Variants in MLLT10 observed in about 807,000 individuals in gnomAD.
MLLT10 encodes the protein protein AF-10.
MLLT10 carries 30 observed loss-of-function variants against 129.1 expected under a neutral mutation model. The observed-to-expected ratio is 0.23, with a 90% CI of 0.17 to 0.32. The LOEUF (loss-of-function observed/expected upper bound fraction) is 0.32, where lower values mean the gene tolerates loss of function less well. MLLT10 is among the 10% of genes least tolerant of loss of function. The probability of loss-of-function intolerance (pLI) is 1.00; values close to 1 mark genes in which losing one functional copy is unlikely to be tolerated. For synonymous variants in MLLT10, 490 were observed against 446.4 expected (o/e 1.10, Z -1.23); for missense variants, 1,119 against 1,268.3 (o/e 0.88, Z 1.79).
At chr10:21,595,489 TAGAA>T (rs1303115408) in intron 5 of MLLT10, 49 bp downstream of exon 5, 2 of 1,426,118 alleles carry the variant, frequency 1.4e-6, no homozygotes, top group African/African-American at 1.4e-5. Flanking sequence ...TACTGGGAAG[TAGAA>T]AGGAAGTTTT....
chr10:21,732,991 C>T lies in MLLT10; in HGVS notation c.2311C>T (p.Leu771Phe), dbSNP rs1327884029. 3.1e-6 allele frequency: 5 copies of T among 1,614,026 alleles called. No homozygotes were observed. In the East Asian group the frequency reaches 1.1e-4, roughly 36 times the overall value. ...AAACTTGACTGCCAAAAAGGAACGG[C>T]TTCAGTTATTGAATGCACAGCTTTC... ...IKNLTAKKER[L>F]QLLNAQLSVP... Residue 771 changes from leucine (L) to phenylalanine (F), a missense_variant, in exon 18 of 23, where the codon CTT becomes TTT. Around this residue, in one of 5 missense-constraint regions of MLLT10, gnomAD observed 1,004 missense variants for 1,008.7 expected, o/e 1.00. Transcript: ENST00000307729.
chr10:21,616,372 A>C (rs1304357639), intron 7 of MLLT10, among the ~76,000 whole-genome samples: 1 of 152,096 alleles, frequency 6.6e-6, no homozygotes, highest in Admixed American at 6.5e-5. Flanking sequence ...AGATTGTATA[A>C]TCTTTACATT....
intron 11 of MLLT10, among the ~76,000 whole-genome samples, chr10:21,678,334 A>AC (rs1277864562): frequency 2.0e-5 from 3 of 151,970 alleles, no homozygotes; most frequent in Non-Finnish European, 4.4e-5. Context: ...CCATCTCTTG[A>AC]CCTCATGATC....
At chr10:21,571,602 C>T (rs2040211598) in intron 3 of MLLT10, among the ~76,000 whole-genome samples, 1 of 152,174 alleles carries the variant, frequency 6.6e-6, no homozygotes, top group African/African-American at 2.4e-5. Context: ...TTTATTATTT[C>T]GTGCAAGGAG....
chr10:21,636,361 T>A (rs536021722), intron 8 of MLLT10, among the ~76,000 whole-genome samples: 1 of 152,162 alleles, frequency 6.6e-6, no homozygotes, highest in African/African-American at 2.4e-5. Flanking sequence ...GGGCTCAAGC[T>A]ATCCTTCTCC....
intron 9 of MLLT10, among the ~76,000 whole-genome samples, chr10:21,655,831 T>G (rs2049521805): frequency 6.6e-6 from 1 of 152,148 alleles, no homozygotes; most frequent in African/African-American, 2.4e-5. Context: ...TCTAAGTTTT[T>G]GTTGGAACAA....
chr10:21,600,827 A>C (rs1231087446), intron 5 of MLLT10, among the ~76,000 whole-genome samples: 1 of 152,044 alleles, frequency 6.6e-6, no homozygotes, highest in African/African-American at 2.4e-5. Context: ...CTCTCTCTCC[A>C]GCCCCCCTCT....
At chr10:21,579,293 C>T (rs1295365881) in intron 3 of MLLT10, among the ~76,000 whole-genome samples, 1 of 151,970 alleles carries the variant, frequency 6.6e-6, no homozygotes, top group Non-Finnish European at 1.5e-5. Context: ...AAGATTTTTC[C>T]CTCTGTGTTT....
chr10:21,562,520 TA>T (rs986590123), intron 3 of MLLT10, among the ~76,000 whole-genome samples: 3 of 151,734 alleles, frequency 2.0e-5, no homozygotes, highest in African/African-American at 7.3e-5. Context: ...GTATTTTTAG[TA>T]GAGACAGGGT....
chr10:21,740,947 A>T (rs563554675), intron 22 of MLLT10, among the ~76,000 whole-genome samples: 1 of 152,210 alleles, frequency 6.6e-6, no homozygotes, highest in South Asian at 2.1e-4. Context: ...GGGATGTAGA[A>T]TGGAGACTGG....
At chr10:21,580,991 C>T (rs1008981029) in intron 3 of MLLT10, among the ~76,000 whole-genome samples, 2 of 150,090 alleles carry the variant, frequency 1.3e-5, no homozygotes, top group African/African-American at 2.5e-5. Flanking sequence ...GAATTACAGG[C>T]GTGAGACACT....
rs1370622497 is a variant in MLLT10, at chr10:21,583,034, G to A, written c.241-3260G>A. 7.2e-5 allele frequency among the ~76,000 whole-genome samples: 11 copies of A among 152,240 alleles called. No homozygotes were observed. The South Asian group carries it at 1.0e-3, about 14-fold the overall frequency. ...AAATAGAAAAAGTTAGCTGGACGTGGTGGCACACACCTGTAATTGCAGCTC... is the reference window on the plus strand; with the variant it reads ...AAATAGAAAAAGTTAGCTGGACGTGATGGCACACACCTGTAATTGCAGCTC... On this transcript the variant is annotated intron_variant, in intron 3 of 22. Coordinates refer to ENST00000307729, the MANE Select transcript of MLLT10 (RefSeq NM_001195626.3).
At chr10:21,556,787 T>TGGG in intron 3 of MLLT10, 1 of 1,590,770 alleles carries the variant, frequency 6.3e-7, no homozygotes, top group Non-Finnish European at 8.6e-7. Flanking sequence ...GCATTGCTTT[T>TGGG]GGGCTTGTCT....
intron 3 of MLLT10, among the ~76,000 whole-genome samples, chr10:21,544,502 G>A (rs900948948): frequency 6.6e-6 from 1 of 152,092 alleles, no homozygotes; most frequent in Non-Finnish European, 1.5e-5. Flanking sequence ...GACAGATACC[G>A]AACAGTAAAG....
At chr10:21,646,658 G>C (rs2048507412) in intron 8 of MLLT10, among the ~76,000 whole-genome samples, 1 of 152,040 alleles carries the variant, frequency 6.6e-6, no homozygotes, top group Non-Finnish European at 1.5e-5. Context: ...TTCTGATTTT[G>C]TATTGCTAAT....
At chr10:21,590,407 T>C (rs2042385233) in intron 4 of MLLT10, among the ~76,000 whole-genome samples, 1 of 151,880 alleles carries the variant, frequency 6.6e-6, no homozygotes, top group Non-Finnish European at 1.5e-5. Context: ...TGGCGTGATG[T>C]CGGCTCACTG....
chr10:21,633,281 G>A (rs557230291), intron 8 of MLLT10, among the ~76,000 whole-genome samples: 1 of 152,202 alleles, frequency 6.6e-6, no homozygotes, highest in Non-Finnish European at 1.5e-5. Context: ...AAACACAGGA[G>A]CATCTTAGTT....
At chr10:21,649,815 G>A (rs1456766583) in intron 8 of MLLT10, among the ~76,000 whole-genome samples, 2 of 152,178 alleles carry the variant, frequency 1.3e-5, no homozygotes, top group Non-Finnish European at 2.9e-5. Flanking sequence ...GCCACATCCT[G>A]TTGAGTAACA....
At chr10:21,563,436 T>C (rs1266160839) in intron 3 of MLLT10, among the ~76,000 whole-genome samples, 1 of 151,880 alleles carries the variant, frequency 6.6e-6, no homozygotes, top group Admixed American at 6.6e-5. Context: ...GACATGAGAA[T>C]TGCTTGAAAC....
Sources: allele counts gnomAD v4.1 joint callset (sites outside exome capture counted in the v4.1 genomes callset), GRCh38; gene constraint gnomAD v4.1.1; regional missense constraint gnomAD v4.1.1; transcripts MANE v1.5; gene names NCBI Gene and HGNC (gene_info 2026-07-23, HGNC 2026-07-21).